Variants in ABTB3 observed in about 807,000 individuals in gnomAD.
ABTB3 encodes ankyrin repeat and BTB domain containing 3, also known as ankyrin repeat- and BTB/POZ domain-containing protein 3.
the ABTB3 span, among the ~76,000 whole-genome samples, chr12:107,611,707 C>T: frequency 6.6e-6 from 1 of 152,198 alleles, no homozygotes; most frequent in African/African-American, 2.4e-5. Flanking sequence ...TTAAGGTTCT[C>T]AATCTTAAAT....
At chr12:107,572,254 A>C in the ABTB3 span, among the ~76,000 whole-genome samples, 29 of 152,036 alleles carry the variant, frequency 1.9e-4, no homozygotes, top group Admixed American at 1.9e-3. Flanking sequence ...AGCTACCACC[A>C]AAAGCTGAGA....
chr12:107,586,161 G>A, the ABTB3 span, among the ~76,000 whole-genome samples: 1 of 152,164 alleles, frequency 6.6e-6, no homozygotes, highest in African/African-American at 2.4e-5. Flanking sequence ...GCAGGGACAG[G>A]GTCATGCTCC....
At chr12:107,346,100 G>A in the ABTB3 span, among the ~76,000 whole-genome samples, 23 of 152,268 alleles carry the variant, frequency 1.5e-4, 1 homozygote, top group Admixed American at 7.8e-4. Flanking sequence ...GGCGTGGAGC[G>A]GAGCTTGTGC....
At chr12:107,474,771 G>GACCTAA in the ABTB3 span, among the ~76,000 whole-genome samples, 1 of 151,956 alleles carries the variant, frequency 6.6e-6, no homozygotes, top group African/African-American at 2.4e-5. Flanking sequence ...GGTTCTTAAG[G>GACCTAA]CAGCAGATGC....
chr12:107,534,944 A>C, the ABTB3 span, among the ~76,000 whole-genome samples: 6 of 152,174 alleles, frequency 3.9e-5, no homozygotes, highest in African/African-American at 1.4e-4. Context: ...CTCATTCTAC[A>C]ATGCCAATAT....
chr12:107,547,217 AG>A, the ABTB3 span, among the ~76,000 whole-genome samples: 1 of 136,346 alleles, frequency 7.3e-6, no homozygotes, highest in South Asian at 2.8e-4. Flanking sequence ...AAGAAGGAGA[AG>A]GGGGAGGGGG....
chr12:107,383,439 C>T, the ABTB3 span, among the ~76,000 whole-genome samples: 4 of 152,204 alleles, frequency 2.6e-5, no homozygotes, highest in East Asian at 5.8e-4. Flanking sequence ...CCAGGTGACC[C>T]TGGGTAGATT....
chr12:107,564,875 C>G, the ABTB3 span, among the ~76,000 whole-genome samples: 3 of 152,216 alleles, frequency 2.0e-5, no homozygotes, highest in Admixed American at 6.5e-5. Flanking sequence ...ATTGCACAGG[C>G]CTTGTTTCCT....
chr12:107,607,814 G>C, the ABTB3 span, among the ~76,000 whole-genome samples: 2 of 152,178 alleles, frequency 1.3e-5, no homozygotes, highest in African/African-American at 4.8e-5. Flanking sequence ...TATGAGTGAT[G>C]TGTCAGATGA....
At chr12:107,464,976 A>ACCCC in the ABTB3 span, among the ~76,000 whole-genome samples, 649 of 142,372 alleles carry the variant, frequency 4.6e-3, 7 homozygotes, top group African/African-American at 0.016. Context: ...ACACACACAC[A>ACCCC]CCCCAGAGAA....
the ABTB3 span, among the ~76,000 whole-genome samples, chr12:107,432,200 CT>C: frequency 6.6e-6 from 1 of 152,184 alleles, no homozygotes; most frequent in African/African-American, 2.4e-5. Flanking sequence ...CCACTTCTTC[CT>C]TCCTGGTGTA....
the ABTB3 span, among the ~76,000 whole-genome samples, chr12:107,434,949 G>A: frequency 1.3e-5 from 2 of 152,170 alleles, no homozygotes; most frequent in African/African-American, 2.4e-5. Flanking sequence ...TCTTCCAAGG[G>A]AGGGTAGCGT....
the ABTB3 span, among the ~76,000 whole-genome samples, chr12:107,590,060 C>T: frequency 2.0e-5 from 3 of 152,190 alleles, no homozygotes; most frequent in Non-Finnish European, 4.4e-5. Context: ...CAGGTGCCCA[C>T]CACCATGCCT....
the ABTB3 span, among the ~76,000 whole-genome samples, chr12:107,577,903 A>G: frequency 6.6e-6 from 1 of 152,158 alleles, no homozygotes; most frequent in Non-Finnish European, 1.5e-5. Context: ...AACAAAGTCT[A>G]AGAACCACTT....
the ABTB3 span, among the ~76,000 whole-genome samples, chr12:107,387,972 C>CTTTT: frequency 1.6e-4 from 19 of 120,170 alleles, no homozygotes; most frequent in African/African-American, 2.0e-4. Context: ...TCTTCTTCTT[C>CTTTT]TTTTTTTTTT....
the ABTB3 span, among the ~76,000 whole-genome samples, chr12:107,396,173 GC>G: frequency 6.6e-6 from 1 of 152,174 alleles, no homozygotes; most frequent in Non-Finnish European, 1.5e-5. Context: ...GCCTTCCTCT[GC>G]CTCTCCACAT....
chr12:107,596,944 C>G, the ABTB3 span, among the ~76,000 whole-genome samples: 1 of 152,220 alleles, frequency 6.6e-6, no homozygotes, highest in Non-Finnish European at 1.5e-5. Flanking sequence ...TGACTTTATT[C>G]AGGTGTCCAG....
the ABTB3 span, among the ~76,000 whole-genome samples, chr12:107,556,063 C>A: frequency 6.6e-6 from 1 of 151,770 alleles, no homozygotes; most frequent in Non-Finnish European, 1.5e-5. Context: ...TCATTGAATT[C>A]TCACAAGAAT....
chr12:107,589,561 C>G, the ABTB3 span, among the ~76,000 whole-genome samples: 1 of 152,162 alleles, frequency 6.6e-6, no homozygotes, highest in East Asian at 1.9e-4. Context: ...GATGTGCAAC[C>G]AGAGAGGGGC....
Sources: allele counts gnomAD v4.1 joint callset (sites outside exome capture counted in the v4.1 genomes callset), GRCh38; gene constraint gnomAD v4.1.1; transcripts MANE v1.5; gene names NCBI Gene and HGNC (gene_info 2026-07-23, HGNC 2026-07-21).